Variants in ALPK2 observed in about 807,000 individuals in gnomAD.
ALPK2 encodes alpha-protein kinase 2.
ALPK2 carries 127 observed loss-of-function variants against 163.1 expected under a neutral mutation model. The ratio of observed to expected loss-of-function variants is 0.78; its 90% confidence interval spans 0.67 to 0.90. ALPK2 has a LOEUF of 0.90. Among genes scored for constraint, ALPK2 ranks in the 40% least tolerant of loss-of-function variants. ALPK2 has a pLI of 0.00. For missense variants in ALPK2, 2,360 were observed against 2,589.6 expected (o/e 0.91, Z 1.92); for synonymous variants, 953 against 959.1 (o/e 0.99, Z 0.12).
chr18:58,592,478 A>AT (rs944626496), intron 3 of ALPK2, among the ~76,000 whole-genome samples: 2 of 152,198 alleles, frequency 1.3e-5, no homozygotes, highest in African/African-American at 4.8e-5. Context: ...AGGGGAGGGC[A>AT]TTCCTGGCAG....
intron 4 of ALPK2, among the ~76,000 whole-genome samples, chr18:58,564,123 C>CTTTGTTTTTTTTTTTTTTT (rs2051838597): frequency 9.8e-6 from 1 of 102,488 alleles, no homozygotes; most frequent in Non-Finnish European, 1.8e-5. Context: ...TGTCTTTGTT[C>CTTTGTTTTTTTTTTTTTTT]TTTTTTTTTT....
intron 10 of ALPK2, among the ~76,000 whole-genome samples, chr18:58,507,517 C>T (rs1415007109): frequency 6.6e-6 from 1 of 152,132 alleles, no homozygotes. Flanking sequence ...CCTTGAATAG[C>T]GCTAGGACAG....
Position 58,481,522 on chromosome 18 carries a change from C to A in ALPK2, c.*301G>T. The A allele has an allele frequency of 8.3e-6, 3 of 361,056 alleles. No individual in the cohort carries two copies. The highest frequency in any genetic ancestry group is 5.1e-6 in the Non-Finnish European group (1 of 194,852). The allele number at this position is 361,056 out of a possible 1,614,324, so 22.4% of individuals were successfully genotyped here. On this transcript the variant is annotated 3_prime_UTR_variant, in exon 13 of 13. Coordinates refer to ENST00000361673, the MANE Select transcript of ALPK2 (RefSeq NM_052947.4). The stretch of plus-strand genomic sequence containing the variant: ...TCGACAGCACAACCATGTGCAAATA[C>A]ACAAATATACACATGATGTGAGGTT...
intron 4 of ALPK2, among the ~76,000 whole-genome samples, chr18:58,571,975 CAAAAAAAAAA>C (rs35927788): frequency 1.7e-4 from 11 of 66,640 alleles, no homozygotes; most frequent in Non-Finnish European, 2.4e-4. Context: ...GACTCCATCT[CAAAAAAAAAA>C]AAAAAAAAAA....
intron 3 of ALPK2, among the ~76,000 whole-genome samples, chr18:58,583,600 G>A (rs962535314): frequency 6.6e-6 from 1 of 151,984 alleles, no homozygotes; most frequent in African/African-American, 2.4e-5. Flanking sequence ...AATCAGTTGA[G>A]CCTATGAGTT....
At position 58,535,589 on chromosome 18, in the gene ALPK2, T is replaced by C. The variant is rs770709507; in HGVS notation, c.4598A>G (p.Glu1533Gly). 1 of 1,614,192 alleles carries C rather than the reference T, an allele frequency of 6.2e-7. No homozygotes were observed. The highest frequency in any genetic ancestry group is 8.5e-7 in the Non-Finnish European group (1 of 1,180,038). Reference protein sequence around the residue: ...EAEQSKKDKAELISPTSPLSS... With the variant: ...EAEQSKKDKAGLISPTSPLSS... ...AAGAGGTGAAGTGGGGGAAATCAATTCTGCTTTGTCCTTTTTGCTTTGCTC... is the reference window on the plus strand; with the variant it reads ...AAGAGGTGAAGTGGGGGAAATCAATCCTGCTTTGTCCTTTTTGCTTTGCTC... The change falls in exon 5 of 13, where the codon GAA becomes GGA. Residue 1533 changes from glutamate (E) to glycine (G), a missense_variant. Glu to Gly is a moderately conservative substitution (Grantham distance 98). Coordinates refer to ENST00000361673, the MANE Select transcript of ALPK2 (RefSeq NM_052947.4).
At position 58,556,275 on chromosome 18, in the gene ALPK2, GCCA is replaced by G. The variant is rs139969108; in HGVS notation, c.1963-18054_1963-18052del. On this transcript the variant is annotated intron_variant, in intron 4 of 12. Coordinates refer to ENST00000361673, the MANE Select transcript of ALPK2 (RefSeq NM_052947.4). ...AGTTACTCAGTCACCTTCACCAGAG[GCCA>G]CCACTGTTATCGACAGTTATTTTAG... Among the ~76,000 whole-genome samples, 692 of 152,268 alleles carry G rather than the reference GCCA, an allele frequency of 4.5e-3. 3 individuals are homozygous for G. The highest frequency in any genetic ancestry group is 0.015 in the African/African-American group (632 of 41,538).
intron 3 of ALPK2, among the ~76,000 whole-genome samples, chr18:58,602,354 G>C (rs1005399203): frequency 6.6e-6 from 1 of 152,120 alleles, no homozygotes; most frequent in African/African-American, 2.4e-5. Context: ...AAACTGGGTG[G>C]CAAAAAGCAA....
intron 4 of ALPK2, among the ~76,000 whole-genome samples, chr18:58,555,227 T>C (rs1014513469): frequency 2.0e-5 from 3 of 152,046 alleles, no homozygotes; most frequent in South Asian, 2.1e-4. Context: ...CCAGAGCCTC[T>C]TCTTAACAAT....
intron 3 of ALPK2, among the ~76,000 whole-genome samples, chr18:58,590,296 G>A (rs1252148918): frequency 2.0e-5 from 3 of 151,690 alleles, no homozygotes; most frequent in Admixed American, 6.6e-5. Context: ...TTGCACCACA[G>A]GCATTCCATT....
chr18:58,578,736 A>ACACACACGCGCGCGCACGCGCG (rs773192836), intron 4 of ALPK2, 78 bp downstream of exon 4: 1 of 760,698 alleles, frequency 1.3e-6, no homozygotes, highest in Non-Finnish European at 2.0e-6. Flanking sequence ...AGGAAGAGAC[A>ACACACACGCGCGCGCACGCGCG]CACACACACA....
At position 58,529,241 on chromosome 18, in the gene ALPK2, A is replaced by G. The variant is rs2051599841; in HGVS notation, c.5354-3T>C. 1 of 1,609,430 alleles carries G rather than the reference A, an allele frequency of 6.2e-7. No homozygotes were observed. The highest frequency in any genetic ancestry group is 8.5e-7 in the Non-Finnish European group (1 of 1,177,774). On this transcript the variant is annotated splice_region_variant and splice_polypyrimidine_tract_variant and intron_variant, in intron 5 of 12. Transcript: ENST00000361673. ...GATCTTTTTCAGTAATACTGGAGCT[A>G]GAAACAAGATATTTGAAGGTCAGTG...
At chr18:58,570,792 TTAAC>T (rs1194575622) in intron 4 of ALPK2, among the ~76,000 whole-genome samples, 1 of 152,226 alleles carries the variant, frequency 6.6e-6, no homozygotes, top group Non-Finnish European at 1.5e-5. Flanking sequence ...GTCCTATTGA[TTAAC>T]TAAATGCCTC....
At chr18:58,493,497 C>T (rs961799410) in intron 12 of ALPK2, among the ~76,000 whole-genome samples, 2 of 152,148 alleles carry the variant, frequency 1.3e-5, no homozygotes, top group Admixed American at 1.3e-4. Context: ...AGGTGGCTGC[C>T]GTCCCCTCCA....
At chr18:58,589,137 G>C (rs989233611) in intron 3 of ALPK2, among the ~76,000 whole-genome samples, 3 of 152,178 alleles carry the variant, frequency 2.0e-5, no homozygotes, top group Admixed American at 6.5e-5. Context: ...GTTGCACCCT[G>C]GAAGATGGGC....
At chr18:58,621,485 A>G (rs1481544696) in intron 1 of ALPK2, among the ~76,000 whole-genome samples, 2 of 151,610 alleles carry the variant, frequency 1.3e-5, no homozygotes, top group Non-Finnish European at 2.9e-5. Flanking sequence ...GTTAGCCAGG[A>G]TGGTCTCGAT....
intron 8 of ALPK2, among the ~76,000 whole-genome samples, chr18:58,521,641 T>G (rs1482720710): frequency 7.6e-6 from 1 of 132,444 alleles, no homozygotes; most frequent in Admixed American, 7.5e-5. Context: ...TTTTTTTTTT[T>G]TTTTTGAGAT....
chr18:58,495,968 C>A (rs550181788), intron 12 of ALPK2, among the ~76,000 whole-genome samples: 6 of 152,304 alleles, frequency 3.9e-5, no homozygotes, highest in Admixed American at 6.5e-5. Flanking sequence ...CACATGGAGC[C>A]TGGAAAGGAA....
chr18:58,517,786 A>C (rs1291058392), intron 8 of ALPK2, among the ~76,000 whole-genome samples: 1 of 152,246 alleles, frequency 6.6e-6, no homozygotes. Flanking sequence ...CCATTGAGAA[A>C]GCATGTGATA....
Sources: gnomAD v4.1 joint callset for allele counts (sites outside exome capture counted in the v4.1 genomes callset) on GRCh38, gnomAD v4.1.1 for gene constraint, MANE v1.5 for transcripts, NCBI Gene and HGNC (gene_info 2026-07-23, HGNC 2026-07-21) for gene names.